The following UNC13C variants were observed in gnomAD, a reference collection of about 807,000 sequenced individuals.
The protein encoded by UNC13C is protein unc-13 homolog C.
Under a neutral mutation model 245.4 loss-of-function variants are expected in UNC13C, and 174 were observed. The ratio of observed to expected loss-of-function variants is 0.71; its 90% CI spans 0.63 to 0.80. The LOEUF (loss-of-function observed/expected upper bound fraction) is 0.80. UNC13C is among the 30% of genes least tolerant of loss of function. The probability of loss-of-function intolerance (pLI) is 0.00; values close to 1 mark genes in which losing one functional copy is unlikely to be tolerated. For missense variants in UNC13C, 2,829 were observed against 2,602.9 expected (o/e 1.09, Z -1.89); for synonymous variants, 992 against 895.1 (o/e 1.11, Z -1.93).
chr15:53,937,169 C>T, the UNC13C span, among the ~76,000 whole-genome samples: 1 of 152,066 alleles, frequency 6.6e-6, no homozygotes, highest in East Asian at 1.9e-4. Flanking sequence ...ACTAGAATAG[C>T]CAGTTTAGAG....
chr15:54,237,718 C>G (rs1280416135), intron 7 of UNC13C, 28 bp downstream of exon 7: 1 of 1,533,302 alleles, frequency 6.5e-7, no homozygotes, highest in Non-Finnish European at 9.0e-7. Flanking sequence ...CTCATAATAT[C>G]TAACTAGATA....
At chr15:54,180,703 T>C (rs2033768652) in intron 4 of UNC13C, among the ~76,000 whole-genome samples, 1 of 152,044 alleles carries the variant, frequency 6.6e-6, no homozygotes, top group Non-Finnish European at 1.5e-5. Flanking sequence ...TGGTGTGAAA[T>C]GGTATCTCAT....
chr15:53,838,967 T>C, the UNC13C span, among the ~76,000 whole-genome samples: 1 of 152,126 alleles, frequency 6.6e-6, no homozygotes, highest in Non-Finnish European at 1.5e-5. Context: ...TGAAAATTTG[T>C]CCAAGTTTTC....
intron 27 of UNC13C, among the ~76,000 whole-genome samples, chr15:54,548,353 C>T (rs1896587353): frequency 6.6e-6 from 1 of 151,282 alleles, no homozygotes; most frequent in Non-Finnish European, 1.5e-5. Flanking sequence ...TCCCAAGTAG[C>T]TGGGACTACA....
At chr15:54,154,802 T>C (rs544223602) in intron 4 of UNC13C, among the ~76,000 whole-genome samples, 1 of 152,144 alleles carries the variant, frequency 6.6e-6, no homozygotes, top group Non-Finnish European at 1.5e-5. Context: ...GATTAGGTTA[T>C]AAAAGGGACT....
chr15:54,618,917 C>A (rs983333075), intron 30 of UNC13C, among the ~76,000 whole-genome samples: 1 of 151,690 alleles, frequency 6.6e-6, no homozygotes, highest in Non-Finnish European at 1.5e-5. Context: ...TGTCAAAAAA[C>A]AAAACAAAAA....
rs143639825 is a variant in UNC13C at position 53,989,935 on chromosome 15, A to C, written c.-257+11008A>C. 4.6e-4 allele frequency among the ~76,000 whole-genome samples: 70 copies of C among 152,096 alleles called. 1 individual carries two copies. The highest frequency in any genetic ancestry group is 1.4e-3 in the African/African-American group (60 of 41,530). On this transcript the variant is annotated intron_variant, in intron 1 of 32. Transcript: ENST00000260323. ...GGAAACCAGAGGAAAAAATGGGTGAAGAGTCTGACATGATTCCATATTTAT... is the reference window on the plus strand; with the variant it reads ...GGAAACCAGAGGAAAAAATGGGTGACGAGTCTGACATGATTCCATATTTAT...
intron 2 of UNC13C, among the ~76,000 whole-genome samples, chr15:54,042,096 G>T (rs1444034729): frequency 6.6e-6 from 1 of 152,108 alleles, no homozygotes; most frequent in South Asian, 2.1e-4. Context: ...TGCTTAACTG[G>T]CATATAATGC....
At chr15:54,277,759 T>C (rs2036870571) in intron 10 of UNC13C, among the ~76,000 whole-genome samples, 1 of 152,228 alleles carries the variant, frequency 6.6e-6, no homozygotes, top group Non-Finnish European at 1.5e-5. Context: ...AATAATTCAG[T>C]TGTATTTTTC....
chr15:54,250,468 A>T (rs760637319), intron 8 of UNC13C, 24 bp downstream of exon 8: 10 of 1,579,778 alleles, frequency 6.3e-6, no homozygotes, highest in Non-Finnish European at 7.7e-6. Context: ...TTGGCTGAAA[A>T]AGTGGTATGC....
chr15:54,410,791 G>A (rs1206678683), intron 18 of UNC13C, among the ~76,000 whole-genome samples: 3 of 152,028 alleles, frequency 2.0e-5, no homozygotes, highest in Non-Finnish European at 2.9e-5. Context: ...TAGGTAGTGT[G>A]ATATCTTTGG....
the UNC13C span, among the ~76,000 whole-genome samples, chr15:53,961,369 C>T: frequency 6.6e-6 from 1 of 152,362 alleles, no homozygotes; most frequent in Admixed American, 6.5e-5. Context: ...AAGAGGGCTA[C>T]AGAAGCTGGT....
At chr15:54,587,541 C>A (rs560969675) in intron 30 of UNC13C, among the ~76,000 whole-genome samples, 110 of 152,320 alleles carry the variant, frequency 7.2e-4, no homozygotes, top group African/African-American at 2.6e-3. Context: ...AGTAAACTCA[C>A]AACTAAGGAG....
chr15:54,416,975 A>G (rs1382977686), intron 19 of UNC13C: 1 of 456,430 alleles, frequency 2.2e-6, no homozygotes, highest in African/African-American at 2.0e-5. Flanking sequence ...GCAGCCATGG[A>G]GGGCTCAGCT....
At chr15:54,516,266 G>A (rs541238603) in intron 24 of UNC13C, among the ~76,000 whole-genome samples, 1 of 152,310 alleles carries the variant, frequency 6.6e-6, no homozygotes, top group South Asian at 2.1e-4. Flanking sequence ...AACAGGAGAT[G>A]AAAGATCAGA....
chr15:54,341,892 T>C (rs56182219), intron 17 of UNC13C, among the ~76,000 whole-genome samples: 37,617 of 150,628 alleles, frequency 0.25, 5,089 homozygotes, highest in Admixed American at 0.34. Flanking sequence ...AGGAGAATGG[T>C]GTGAACCCGG....
At chr15:54,566,661 T>C (rs1469269964) in intron 29 of UNC13C, among the ~76,000 whole-genome samples, 1 of 152,036 alleles carries the variant, frequency 6.6e-6, no homozygotes, top group Admixed American at 6.6e-5. Flanking sequence ...TCCTCTACAG[T>C]ATACTCTCGG....
At chr15:54,550,035 G>A (rs1243432110) in intron 28 of UNC13C, among the ~76,000 whole-genome samples, 1 of 152,122 alleles carries the variant, frequency 6.6e-6, no homozygotes, top group African/African-American at 2.4e-5. Flanking sequence ...CACTGAACTT[G>A]TCAACATGTT....
chr15:54,154,346 A>T (rs1419899485), intron 4 of UNC13C, among the ~76,000 whole-genome samples: 1 of 152,140 alleles, frequency 6.6e-6, no homozygotes, highest in African/African-American at 2.4e-5. Context: ...GATTGTTTTT[A>T]ACTGGAAAAG....
Sources: allele counts gnomAD v4.1 joint callset (sites outside exome capture counted in the v4.1 genomes callset), GRCh38; gene constraint gnomAD v4.1.1; transcripts MANE v1.5; gene names NCBI Gene and HGNC (gene_info 2026-07-23, HGNC 2026-07-21).